MARK1: variants seen among roughly 807,000 people sequenced by gnomAD.
MARK1 encodes the protein serine/threonine-protein kinase MARK1.
MARK1 carries 40 observed loss-of-function variants against 96.3 expected under a neutral mutation model. The ratio of observed to expected loss-of-function variants is 0.42; its 90% CI spans 0.32 to 0.54. The LOEUF (loss-of-function observed/expected upper bound fraction) is 0.54, where lower values mean the gene tolerates loss of function less well. Among genes scored for constraint, MARK1 ranks in the 20% least tolerant of loss-of-function variants. MARK1 has a pLI of 0.16. For missense variants in MARK1, 719 were observed against 984.6 expected (o/e 0.73, Z 3.61); for synonymous variants, 317 against 341.2 (o/e 0.93, Z 0.78).
chr1:220,651,886 T>G (rs559678070), intron 14 of MARK1, 100 bp from the exon 15 acceptor site: 53 of 824,982 alleles, frequency 6.4e-5, no homozygotes, highest in Non-Finnish European at 8.7e-5. Context: ...TGAAAGGTGT[T>G]AGTCAGTTTA....
chr1:220,604,931 AC>A (rs1458397081), intron 6 of MARK1, among the ~76,000 whole-genome samples: 4 of 152,148 alleles, frequency 2.6e-5, no homozygotes, highest in Non-Finnish European at 4.4e-5. Context: ...TATATCCTAA[AC>A]TTTTATTAAA....
rs569265145 is a variant in MARK1 at position 220,606,294 on chromosome 1, A to G, written c.495+2157A>G. Among the ~76,000 whole-genome samples the G allele has an allele frequency of 3.0e-3, 458 of 152,096 alleles. 4 individuals carry two copies. The highest frequency in any genetic ancestry group is 0.011 in the African/African-American group (441 of 41,492). ...TACCAGTGATGTTGAGCATTTTTTC[A>G]TGTGTCTGTTGGCTGCATAGATGTC... On this transcript the variant is annotated intron_variant, in intron 6 of 17. Transcript: ENST00000366917.
At chr1:220,616,133 CA>C (rs202070671) in intron 7 of MARK1, 138 bp downstream of exon 7, 7,745 of 398,896 alleles carry the variant, frequency 0.019, 127 homozygotes, top group Middle Eastern at 0.055. Context: ...TTGATTCTCA[CA>C]GCAACTTTAT....
chr1:220,652,477 CTG>C (rs1194726431), intron 15 of MARK1, among the ~76,000 whole-genome samples: 11 of 152,256 alleles, frequency 7.2e-5, no homozygotes, highest in African/African-American at 2.4e-4. Flanking sequence ...AAACACTAGA[CTG>C]TGAGTTGAGA....
intron 6 of MARK1, among the ~76,000 whole-genome samples, chr1:220,611,231 C>T (rs1193514291): frequency 1.3e-5 from 2 of 152,182 alleles, no homozygotes; most frequent in African/African-American, 2.4e-5. Flanking sequence ...GGGCTCCACC[C>T]AGTTCAAGCT....
intron 1 of MARK1, among the ~76,000 whole-genome samples, chr1:220,543,250 A>C (rs1661266753): frequency 6.6e-6 from 1 of 152,026 alleles, no homozygotes; most frequent in African/African-American, 2.4e-5. Flanking sequence ...TAGCAACATA[A>C]ACTGGACTTA....
At chr1:220,649,734 A>G (rs943616203) in intron 13 of MARK1, among the ~76,000 whole-genome samples, 2 of 152,152 alleles carry the variant, frequency 1.3e-5, no homozygotes, top group Non-Finnish European at 2.9e-5. Flanking sequence ...TCAAGCAAGT[A>G]TCTATTAAGT....
intron 1 of MARK1, among the ~76,000 whole-genome samples, chr1:220,572,190 A>G (rs1443644108): frequency 6.6e-6 from 1 of 152,208 alleles, no homozygotes; most frequent in Admixed American, 6.5e-5. Context: ...GTAAGCTTCC[A>G]TAACTTGATA....
intron 13 of MARK1, among the ~76,000 whole-genome samples, chr1:220,638,075 A>G: frequency 6.6e-6 from 1 of 151,812 alleles, no homozygotes; most frequent in South Asian, 2.1e-4. Context: ...CTTAGCTTCT[A>G]CCTGATCTGT....
chr1:220,559,169 G>A (rs1662495577), intron 1 of MARK1, among the ~76,000 whole-genome samples: 1 of 152,196 alleles, frequency 6.6e-6, no homozygotes, highest in African/African-American at 2.4e-5. Flanking sequence ...AGGGGCTTTG[G>A]GACAGAGCTC....
chr1:220,635,875 C>T lies in MARK1; in HGVS notation c.1319C>T (p.Pro440Leu), dbSNP rs762910826. The stretch of plus-strand genomic sequence containing the variant: ...CCTGCTGTATCATATACCAAAAGAC[C>T]TCAGGCTAACAGTGTGGAAAGTGAA... The part of the protein sequence containing the change: ...IPPAVSYTKR[P>L]QANSVESEQK... The change falls in exon 13 of 18, where the codon CCT becomes CTT. Residue 440 changes from proline (P) to leucine (L), a missense_variant. Coordinates refer to ENST00000366917, the MANE Select transcript of MARK1 (RefSeq NM_018650.5). The T allele has an allele frequency of 3.1e-6, 5 of 1,612,456 alleles. No homozygotes were observed. Among genetic ancestry groups the T allele is most frequent in the East Asian group, 4.5e-5 (2 of 44,808 alleles).
At chr1:220,592,040 T>C (rs73105429) in intron 3 of MARK1, among the ~76,000 whole-genome samples, 19 of 152,026 alleles carry the variant, frequency 1.2e-4, no homozygotes, top group Admixed American at 3.9e-4. Context: ...AAACATGTAC[T>C]TCATTGGTTT....
chr1:220,631,421 A>G (rs758148573), intron 10 of MARK1, among the ~76,000 whole-genome samples: 9 of 152,212 alleles, frequency 5.9e-5, no homozygotes, highest in Non-Finnish European at 8.8e-5. Context: ...GGAATGGCTG[A>G]TGTAACTATC....
At chr1:220,541,904 A>G (rs568220701) in intron 1 of MARK1, among the ~76,000 whole-genome samples, 15 of 152,276 alleles carry the variant, frequency 9.9e-5, no homozygotes, top group African/African-American at 3.4e-4. Flanking sequence ...ATAGGGAAGG[A>G]CTTACTATTG....
chr1:220,565,438 A>G (rs945163658), intron 1 of MARK1, among the ~76,000 whole-genome samples: 3 of 152,120 alleles, frequency 2.0e-5, no homozygotes, highest in Admixed American at 6.5e-5. Context: ...GATTTGTTGA[A>G]GTTGCCGTCA....
At chr1:220,635,253 T>G (rs1667886438) in intron 11 of MARK1, 123 bp from the exon 12 acceptor site, 1 of 951,424 alleles carries the variant, frequency 1.1e-6, no homozygotes, top group Admixed American at 3.2e-5. Flanking sequence ...CTACACTGTT[T>G]TTTCAGTTTG....
chr1:220,662,263 C>A lies in MARK1; in HGVS notation c.*97C>A. ...TGCCTAATGTGGTCTGCCTGTGAAT[C>A]TCCCCATGTAGAATTTGCCCTTAAT... On this transcript the variant is annotated 3_prime_UTR_variant, in exon 18 of 18. Coordinates refer to ENST00000366917, the MANE Select transcript of MARK1 (RefSeq NM_018650.5). The A allele has an allele frequency of 1.1e-6, 1 of 883,406 alleles. No individual in the cohort carries two copies. The highest frequency in any genetic ancestry group is 1.7e-6 in the Non-Finnish European group (1 of 584,900). The allele number at this position is 883,406 out of a possible 1,614,324, so 54.7% of individuals were successfully genotyped here.
intron 9 of MARK1, chr1:220,625,972 A>G (rs753180564): frequency 3.6e-6 from 2 of 552,578 alleles, no homozygotes; most frequent in Non-Finnish European, 7.3e-6. Context: ...CTTGCGCTCC[A>G]TCTCTTCAGA....
chr1:220,648,774 G>A (rs1184347328), intron 13 of MARK1, among the ~76,000 whole-genome samples: 4 of 152,172 alleles, frequency 2.6e-5, no homozygotes, highest in African/African-American at 9.7e-5. Context: ...TGGTACATTT[G>A]GTGCCCATGG....
Sources: allele counts gnomAD v4.1 joint callset (sites outside exome capture counted in the v4.1 genomes callset), GRCh38; gene constraint gnomAD v4.1.1; transcripts MANE v1.5; gene names NCBI Gene and HGNC (gene_info 2026-07-23, HGNC 2026-07-21).